Variants in VPS13A observed in about 807,000 individuals in gnomAD.
The protein encoded by VPS13A is intermembrane lipid transfer protein VPS13A.
In VPS13A, 264 loss-of-function variants were observed where a neutral mutation model predicts 390.9. That is an observed-to-expected ratio of 0.68 (90% CI 0.61 to 0.75). The LOEUF (loss-of-function observed/expected upper bound fraction) is 0.75. Ranked by LOEUF, VPS13A falls within the 30% of genes least tolerant of loss-of-function variation. The pLI is 0.00. For synonymous variants in VPS13A, 1,231 were observed against 1,227.1 expected (o/e 1.00, Z -0.07); for missense variants, 3,409 against 3,733.9 (o/e 0.91, Z 2.27).
intron 35 of VPS13A, among the ~76,000 whole-genome samples, chr9:77,308,806 G>GT (rs1828909866): frequency 6.6e-6 from 1 of 152,136 alleles, no homozygotes; most frequent in Non-Finnish European, 1.5e-5. Context: ...AAACCTACTA[G>GT]TTCACAAGAC....
intron 23 of VPS13A, among the ~76,000 whole-genome samples, chr9:77,265,869 C>T (rs1370243543): frequency 1.3e-5 from 2 of 152,116 alleles, no homozygotes; most frequent in Non-Finnish European, 2.9e-5. Context: ...TCTTGCTTCT[C>T]TGGTTCTTTA....
intron 44 of VPS13A, among the ~76,000 whole-genome samples, chr9:77,322,415 G>C (rs1205114877): frequency 6.6e-6 from 1 of 151,922 alleles, no homozygotes; most frequent in Non-Finnish European, 1.5e-5. Flanking sequence ...TCATTTAAAA[G>C]ATTAATTAGA....
chr9:77,390,741 C>G, intron 68 of VPS13A, among the ~76,000 whole-genome samples: 1 of 148,456 alleles, frequency 6.7e-6, no homozygotes, highest in East Asian at 2.0e-4. Flanking sequence ...TGCAGTGGTG[C>G]AATCATAGCT....
rs1034901281 is a variant in VPS13A at position 77,209,450 on chromosome 9, C to G, written c.413C>G (p.Thr138Ser). ...QEQHLPEKQD[T>S]FAEKLVTQII... The stretch of plus-strand genomic sequence containing the variant: ...CAACATCTGCCGGAAAAACAGGACA[C>G]TTTTGCAGAAAAATTAGTTACACAG... The change falls in exon 6 of 72, where the codon ACT (threonine) becomes AGT (serine). Residue 138 changes from threonine to serine, a missense_variant. By Grantham distance (58) the Thr-to-Ser change is moderately conservative (BLOSUM62 1). This residue lies in a region of VPS13A where 2,717 missense variants were observed against 2,917.4 expected (regional missense o/e 0.93). Coordinates refer to ENST00000360280, the MANE Select transcript of VPS13A (RefSeq NM_033305.3). 2.5e-6 allele frequency: 4 copies of G among 1,612,636 alleles called. No homozygotes were observed. In the Admixed American group the frequency reaches 5.0e-5, roughly 20 times the overall value.
chr9:77,377,664 A>G (rs1342676698), intron 67 of VPS13A, among the ~76,000 whole-genome samples: 1 of 152,120 alleles, frequency 6.6e-6, no homozygotes, highest in African/African-American at 2.4e-5. Context: ...AGAGTATATC[A>G]TCTGAGAACT....
chr9:77,286,773 G>T (rs1827345843), intron 31 of VPS13A, among the ~76,000 whole-genome samples: 1 of 152,172 alleles, frequency 6.6e-6, no homozygotes, highest in African/African-American at 2.4e-5. Flanking sequence ...AGTATCTCTT[G>T]TTCTTAGGCT....
In VPS13A at chr9:77,420,124, A is replaced by G; in HGVS notation, c.*4118A>G. ...CTTAGTCCTTTGAAGTATACTTTTG[A>G]AATTATACCTTATTGTTAATGGCAA... is the stretch of plus-strand genomic sequence containing the variant. On this transcript the variant is annotated 3_prime_UTR_variant, in exon 72 of 72. Transcript: ENST00000360280. 6.6e-6 allele frequency: 1 copy of G among 152,184 alleles called. No individual in the cohort carries two copies. The highest frequency in any genetic ancestry group is 1.9e-4 in the East Asian group (1 of 5,204). 9.4% of individuals were successfully genotyped at this position (152,184 alleles called of 1,614,324 possible).
intron 67 of VPS13A, among the ~76,000 whole-genome samples, chr9:77,374,951 A>G (rs2131597660): frequency 6.6e-6 from 1 of 152,252 alleles, no homozygotes; most frequent in African/African-American, 2.4e-5. Flanking sequence ...CTCTTAAGCC[A>G]GTATTTCATA....
intron 22 of VPS13A, among the ~76,000 whole-genome samples, chr9:77,252,984 G>A (rs1391637867): frequency 6.6e-6 from 1 of 152,102 alleles, no homozygotes; most frequent in Admixed American, 6.6e-5. Flanking sequence ...CAGTATTTTT[G>A]GGTGTATACT....
Position 77,199,970 on chromosome 9 carries a change from A to C in VPS13A, c.126A>C (p.Gln42His), listed in dbSNP as rs140518771. 1.3e-5 allele frequency: 21 copies of C among 1,609,048 alleles called. No homozygotes were observed. The highest frequency in any genetic ancestry group is 5.6e-5 in the South Asian group (5 of 89,660). Residue 42 changes from glutamine to histidine, a missense_variant, in exon 2 of 72, where the codon CAA becomes CAC. Transcript: ENST00000360280. Reference protein sequence around the residue: ...WKGAVALKNLQIKENALSQLD... With the variant: ...WKGAVALKNLHIKENALSQLD... Reference sequence around the variant, plus strand: ...GAGCTGTGGCCCTCAAGAATCTTCAAATTAAAGAAAATGCCCTGGTAGGTT... The same window carrying C: ...GAGCTGTGGCCCTCAAGAATCTTCACATTAAAGAAAATGCCCTGGTAGGTT...
At chr9:77,276,020 T>C in intron 25 of VPS13A, 45 bp from the exon 26 acceptor site, 4 of 1,587,984 alleles carry the variant, frequency 2.5e-6, no homozygotes, top group Non-Finnish European at 2.6e-6. Context: ...CATAAACATG[T>C]TTTTGTTTTA....
chr9:77,308,462 C>T (rs546886210), intron 35 of VPS13A, among the ~76,000 whole-genome samples: 1 of 152,200 alleles, frequency 6.6e-6, no homozygotes, highest in South Asian at 2.1e-4. Context: ...CATCTTCTCC[C>T]TATCCCTAGT....
intron 31 of VPS13A, among the ~76,000 whole-genome samples, chr9:77,287,074 A>T (rs1827369065): frequency 6.6e-6 from 1 of 150,732 alleles, no homozygotes; most frequent in Admixed American, 6.6e-5. Flanking sequence ...GGTTTATTCT[A>T]AACTAATTTA....
chr9:77,362,510 G>A (rs1832200112), intron 59 of VPS13A, among the ~76,000 whole-genome samples: 3 of 152,206 alleles, frequency 2.0e-5, no homozygotes, highest in African/African-American at 7.2e-5. Flanking sequence ...CACTGTCTTA[G>A]TTATTGTTTT....
chr9:77,406,090 C>T (rs1834591273), intron 70 of VPS13A, 103 bp downstream of exon 70: 1 of 1,477,056 alleles, frequency 6.8e-7, no homozygotes, highest in South Asian at 1.1e-5. Context: ...ATAGATGTCA[C>T]TTTGTCCTGG....
At chr9:77,363,425 C>T (rs1438312682) in intron 59 of VPS13A, among the ~76,000 whole-genome samples, 1 of 114,944 alleles carries the variant, frequency 8.7e-6, no homozygotes, top group Non-Finnish European at 1.7e-5. Flanking sequence ...TTTTTGAGAC[C>T]TAGGCTCGCT....
In VPS13A at chr9:77,323,145, AG is replaced by A; in HGVS notation, c.5910del (p.Glu1970AspfsTer15). ...GRRLYTVRHRESGVERSIVCQ... is the reference protein window; with the variant it reads ...GRRLYTVRHRXSGVERSIVCQ... The stretch of plus-strand genomic sequence containing the variant: ...CGTCTGTACACTGTAAGACACAGAG[AG>A]TCTGGCGTTGAAAGATCTATTGTTT... On this transcript the variant is annotated frameshift_variant, in exon 45 of 72. Transcript: ENST00000360280. LOFTEE classifies it high-confidence loss of function. 1 of 1,613,612 alleles carries A rather than the reference AG, an allele frequency of 6.2e-7. No individual in the cohort carries two copies. The highest frequency in any genetic ancestry group is 8.5e-7 in the Non-Finnish European group (1 of 1,179,642).
At chr9:77,213,649 C>T (rs928565270) in intron 9 of VPS13A, among the ~76,000 whole-genome samples, 5 of 152,038 alleles carry the variant, frequency 3.3e-5, no homozygotes, top group Admixed American at 2.0e-4. Flanking sequence ...TATAGGCACA[C>T]GCCACCATGC....
chr9:77,288,347 C>G (rs1194621585), intron 31 of VPS13A, among the ~76,000 whole-genome samples: 1 of 152,042 alleles, frequency 6.6e-6, no homozygotes, highest in Non-Finnish European at 1.5e-5. Flanking sequence ...ATATGCTCTT[C>G]TTAAGGTGGA....
Sources: allele counts gnomAD v4.1 joint callset (sites outside exome capture counted in the v4.1 genomes callset), GRCh38; gene constraint gnomAD v4.1.1; regional missense constraint gnomAD v4.1.1; transcripts MANE v1.5; gene names NCBI Gene and HGNC (gene_info 2026-07-23, HGNC 2026-07-21).